Variants in PRKCB observed in about 807,000 individuals in gnomAD.
PRKCB encodes protein kinase C beta type.
PRKCB carries 13 observed loss-of-function variants against 81.5 expected under a neutral mutation model. The ratio of observed to expected loss-of-function variants is 0.16; its 90% CI spans 0.10 to 0.25. The LOEUF (loss-of-function observed/expected upper bound fraction) is 0.25. Ranked by LOEUF, PRKCB falls within the 10% of genes least tolerant of loss-of-function variation. The pLI is 1.00. For synonymous variants in PRKCB, 335 were observed against 321.4 expected (o/e 1.04, Z -0.45); for missense variants, 509 against 875.7 (o/e 0.58, Z 5.29).
At position 23,960,386 on chromosome 16, in the gene PRKCB, C is replaced by G. The variant is rs139783630; in HGVS notation, c.206-28122C>G. On this transcript the variant is annotated intron_variant, in intron 2 of 16. Transcript: ENST00000643927. ...TGGACCACTTTTACTTCTTTGCTTT[C>G]TCTCAGCACCCTTTCTCCCCTACTC... Among the ~76,000 whole-genome samples, 31 of 152,178 alleles carry G rather than the reference C, an allele frequency of 2.0e-4. No homozygotes were observed. The East Asian group carries it at 4.6e-3, about 23-fold the overall frequency.
At chr16:24,037,005 T>G (rs1965630428) in intron 5 of PRKCB, among the ~76,000 whole-genome samples, 1 of 152,192 alleles carries the variant, frequency 6.6e-6, no homozygotes, top group Non-Finnish European at 1.5e-5. Flanking sequence ...TTATTCTTGT[T>G]TGAGAGGGAG....
intron 2 of PRKCB, among the ~76,000 whole-genome samples, chr16:23,929,617 C>T (rs182556199): frequency 1.0e-3 from 157 of 152,180 alleles, no homozygotes; most frequent in African/African-American, 3.5e-3. Context: ...AACACAGAGA[C>T]GATGGTATTA....
chr16:24,095,549 A>G (rs987367618), intron 7 of PRKCB, among the ~76,000 whole-genome samples: 1 of 152,182 alleles, frequency 6.6e-6, no homozygotes, highest in African/African-American at 2.4e-5. Context: ...GGAGTAACTT[A>G]GGAAGTTGGA....
chr16:23,988,587 C>G lies in PRKCB; in HGVS notation c.285C>G (p.Ser95=), dbSNP rs371087215. The part of the protein sequence containing the change: ...SCPGADKGPA[S]DDPRSKHKFK... ...CTGGCGCTGACAAGGGTCCAGCCTCCGATGTAAGTAATGGGCATCGATTGC... is the reference window on the plus strand; with the variant it reads ...CTGGCGCTGACAAGGGTCCAGCCTCGGATGTAAGTAATGGGCATCGATTGC... The change falls in exon 3 of 17, where the codon TCC becomes TCG. Residue 95 remains serine, a synonymous_variant. Coordinates refer to ENST00000643927, the MANE Select transcript of PRKCB (RefSeq NM_002738.7). The G allele has an allele frequency of 2.5e-6, 4 of 1,613,826 alleles. No individual in the cohort carries two copies. The highest frequency in any genetic ancestry group is 3.4e-6 in the Non-Finnish European group (4 of 1,179,772).
intron 2 of PRKCB, among the ~76,000 whole-genome samples, chr16:23,925,125 A>G (rs1469422215): frequency 6.6e-6 from 1 of 152,098 alleles, no homozygotes; most frequent in African/African-American, 2.4e-5. Flanking sequence ...CCCTCAGTGG[A>G]GGGAAAATGG....
chr16:24,008,553 T>G (rs9934832), intron 3 of PRKCB, among the ~76,000 whole-genome samples: 50,400 of 152,044 alleles, frequency 0.33, 8,679 homozygotes, highest in African/African-American at 0.41. Flanking sequence ...TGAATTTTTC[T>G]TTGTAAGCAG....
At chr16:24,186,557 G>C (rs1316000470) in intron 15 of PRKCB, among the ~76,000 whole-genome samples, 1 of 152,232 alleles carries the variant, frequency 6.6e-6, no homozygotes, top group Non-Finnish European at 1.5e-5. Context: ...CTTAATCAGT[G>C]GGTTCCCACC....
intron 2 of PRKCB, among the ~76,000 whole-genome samples, chr16:23,863,655 G>A (rs1297509650): frequency 6.6e-6 from 1 of 152,196 alleles, no homozygotes; most frequent in African/African-American, 2.4e-5. Context: ...TCCTGTAAAT[G>A]TAACTGTAGC....
At position 24,179,580 on chromosome 16, in the gene PRKCB, G is replaced by A. The variant is rs190798664; in HGVS notation, c.1395-1210G>A. Among the ~76,000 whole-genome samples the A allele has an allele frequency of 2.9e-4, 44 of 152,322 alleles. No individual in the cohort carries two copies. In the East Asian group the frequency reaches 7.7e-3, roughly 27 times the overall value. ...AGGAGGAAAGTGTGTTGATATTGGA[G>A]CAATCTTGTGTGCTAAAGACCTACA... On this transcript the variant is annotated intron_variant, in intron 12 of 16. Transcript: ENST00000643927.
intron 3 of PRKCB, among the ~76,000 whole-genome samples, chr16:24,027,778 A>G (rs1424588799): frequency 2.0e-5 from 3 of 152,266 alleles, no homozygotes; most frequent in South Asian, 2.1e-4. Flanking sequence ...CACTTTAAAC[A>G]ATTTTTTTTG....
intron 5 of PRKCB, among the ~76,000 whole-genome samples, chr16:24,071,836 G>T (rs191121329): frequency 4.4e-4 from 67 of 152,184 alleles, no homozygotes; most frequent in African/African-American, 1.6e-3. Flanking sequence ...GGCCGAAGAG[G>T]GCGTTGAGTT....
intron 2 of PRKCB, among the ~76,000 whole-genome samples, chr16:23,969,393 G>T (rs1964528283): frequency 6.6e-6 from 1 of 152,116 alleles, no homozygotes; most frequent in Admixed American, 6.5e-5. Context: ...TTTTGTGTCT[G>T]CCTTCTTTCA....
intron 16 of PRKCB, chr16:24,191,463 T>C (rs1356222913): frequency 2.2e-6 from 1 of 451,124 alleles, no homozygotes; most frequent in Non-Finnish European, 3.9e-6. Context: ...AATTTTTGTT[T>C]CTTCGATTCA....
chr16:24,144,090 AT>A (rs1243616334), intron 9 of PRKCB, among the ~76,000 whole-genome samples: 1 of 152,032 alleles, frequency 6.6e-6, no homozygotes, highest in Non-Finnish European at 1.5e-5. Context: ...TATATTTCTG[AT>A]TGCTTTGGTT....
intron 2 of PRKCB, among the ~76,000 whole-genome samples, chr16:23,906,163 C>T (rs1963558259): frequency 1.3e-5 from 2 of 152,178 alleles, no homozygotes; most frequent in Admixed American, 6.5e-5. Flanking sequence ...TTCACACTTC[C>T]CTCAGACAGC....
intron 9 of PRKCB, among the ~76,000 whole-genome samples, chr16:24,153,802 CTG>C (rs1404102034): frequency 6.6e-6 from 1 of 152,198 alleles, no homozygotes; most frequent in Non-Finnish European, 1.5e-5. Flanking sequence ...TTAATCATCT[CTG>C]TAATTAATTT....
At chr16:23,863,231 T>TAC in intron 2 of PRKCB, among the ~76,000 whole-genome samples, 1 of 61,146 alleles carries the variant, frequency 1.6e-5, no homozygotes, top group Admixed American at 2.3e-4. Context: ...TATATATGTG[T>TAC]ATATATATAC....
intron 2 of PRKCB, among the ~76,000 whole-genome samples, chr16:23,845,809 A>G (rs1962358059): frequency 6.6e-6 from 1 of 152,240 alleles, no homozygotes; most frequent in African/African-American, 2.4e-5. Flanking sequence ...AACTCAGATA[A>G]TGAGCTGACT....
chr16:23,855,992 G>A (rs1393786136), intron 2 of PRKCB, among the ~76,000 whole-genome samples: 2 of 152,158 alleles, frequency 1.3e-5, no homozygotes, highest in East Asian at 3.8e-4. Flanking sequence ...GCCTTCTGGG[G>A]TTCACTGCGT....
Sources: allele counts gnomAD v4.1 joint callset (sites outside exome capture counted in the v4.1 genomes callset), GRCh38; gene constraint gnomAD v4.1.1; transcripts MANE v1.5; gene names NCBI Gene and HGNC (gene_info 2026-07-23, HGNC 2026-07-21).